ZFP28: variants seen among roughly 807,000 people sequenced by gnomAD.
ZFP28 encodes ZFP28 zinc finger protein, also known as zinc finger protein 28 homolog.
In ZFP28, 31 loss-of-function variants were observed where a neutral mutation model predicts 39.5. The ratio of observed to expected loss-of-function variants is 0.79; its 90% CI spans 0.59 to 1.06. ZFP28 has a LOEUF of 1.06. Among genes scored for constraint, ZFP28 ranks in the 50% least tolerant of loss-of-function variants. The probability of loss-of-function intolerance (pLI) is 0.00; values close to 1 mark genes in which losing one functional copy is unlikely to be tolerated. For synonymous variants in ZFP28, 400 were observed against 378.6 expected (o/e 1.06, Z -0.66); for missense variants, 925 against 1,048.4 (o/e 0.88, Z 1.63).
At chr19:56,549,172 A>G in intron 5 of ZFP28, 51 bp downstream of exon 5, 2 of 1,557,706 alleles carry the variant, frequency 1.3e-6, no homozygotes, top group Non-Finnish European at 1.7e-6. Context: ...TCATGAGGAA[A>G]CTCTTCTTGA....
At chr19:56,537,449 T>C (rs953942864), upstream of ZFP28, among the ~76,000 whole-genome samples, 4 of 152,144 alleles carry the variant, frequency 2.6e-5, no homozygotes, top group African/African-American at 7.2e-5. Flanking sequence ...CACTACTCCT[T>C]ACAAGGAGAC....
upstream of ZFP28, chr19:56,537,527 G>A (rs1356856173): frequency 6.6e-6 from 1 of 152,228 alleles, no homozygotes; most frequent in African/African-American, 2.4e-5. Flanking sequence ...GCTGTGGAAG[G>A]AGTGCAAAAT....
intron 2 of ZFP28, chr19:56,545,470 T>C (rs1470759629): frequency 1.3e-5 from 2 of 152,242 alleles, no homozygotes; most frequent in Non-Finnish European, 2.9e-5. Flanking sequence ...ATGTGAATCT[T>C]TAAAAGGTTC....
chr19:56,538,882 C>T (rs2147944401), upstream of ZFP28: 3 of 681,934 alleles, frequency 4.4e-6, no homozygotes, highest in Non-Finnish European at 5.8e-6. Flanking sequence ...CGGGGCGGCT[C>T]CGCGGCGCGG....
chr19:56,551,223 G>A (rs1394827745), intron 7 of ZFP28: 1 of 986,746 alleles, frequency 1.0e-6, no homozygotes, highest in Admixed American at 6.1e-5. Flanking sequence ...TTGCAAGAAG[G>A]TGGAAGTAAA....
rs1306160576 is a variant in ZFP28 at position 56,549,257 on chromosome 19, C to T, written c.687+136C>T. On this transcript the variant is annotated intron_variant, in intron 5 of 7. Transcript: ENST00000301318. ...ACAATGCTTCTTATAGACAGATTAT[C>T]CCCTCAGAACAGAGAGTGCCTAATC... 1.8e-5 allele frequency: 18 copies of T among 1,004,492 alleles called. No individual in the cohort carries two copies. In the East Asian group the frequency reaches 4.9e-4, roughly 27 times the overall value. The allele number at this position is 1,004,492 out of a possible 1,614,324, so 62.2% of individuals were successfully genotyped here. A position where few individuals can be genotyped will look rare whatever the true frequency, so the allele number is the denominator to read the frequency against.
At chr19:56,551,540 G>C (rs1043146814) in intron 7 of ZFP28, 2 of 984,876 alleles carry the variant, frequency 2.0e-6, no homozygotes, top group African/African-American at 3.5e-5. Flanking sequence ...TTTTTTTCAA[G>C]TTAAGTGAAA....
chr19:56,554,955 A>G lies in ZFP28; in HGVS notation c.2170A>G (p.Thr724Ala), dbSNP rs752026531. 6.2e-7 allele frequency: 1 copy of G among 1,614,164 alleles called. No homozygotes were observed. Among genetic ancestry groups the G allele is most frequent in the Non-Finnish European group, 8.5e-7 (1 of 1,180,030 alleles). ...SSCTQHQRLH[T>A]GQRPYECIEC... ...CTGTACTCAACATCAAAGACTGCAC[A>G]CTGGCCAAAGACCTTATGAATGTAT... The change falls in exon 8 of 8, where the codon ACT (threonine) becomes GCT (alanine). Residue 724 changes from threonine (T) to alanine (A), a missense_variant. Physicochemically the swap from Thr to Ala is moderately conservative, Grantham distance 58. Transcript: ENST00000301318. The surrounding 1 kb of genome is among the most constrained non-coding windows in gnomAD (Gnocchi z 6.7).
In ZFP28 at chr19:56,555,131, G is replaced by A. The variant is rs1049008489; in HGVS notation, c.2346G>A (p.Lys782=). Residue 782 remains lysine (K), a synonymous_variant, in exon 8 of 8, where the codon AAG becomes AAA. Transcript: ENST00000301318. ...TACATCAGAGAATCCATTCTGGAAA[G>A]AAACCATATGAATGTAAGGAATGTA... ...LSVHQRIHSG[K]KPYECKECRK... 17 of 1,614,068 alleles carry A rather than the reference G, an allele frequency of 1.1e-5. No homozygotes were observed. The highest frequency in any genetic ancestry group is 1.4e-5 in the Non-Finnish European group (16 of 1,180,036).
At chr19:56,545,207 C>T (rs2044230470) in intron 2 of ZFP28, among the ~76,000 whole-genome samples, 1 of 152,246 alleles carries the variant, frequency 6.6e-6, no homozygotes, top group Non-Finnish European at 1.5e-5. Flanking sequence ...GGGGGCCTTT[C>T]AGTCCCCAGC....
chr19:56,547,744 A>G lies in ZFP28; in HGVS notation c.428-63A>G. On this transcript the variant is annotated intron_variant, in intron 3 of 7. Transcript: ENST00000301318. The surrounding 1 kb of genome is among the most constrained non-coding windows in gnomAD (Gnocchi z 4.6). ...TGCACTGCCCTCTTGCGTCAAGCCA[A>G]GGGGACTGCATCTCAGTCTGGACAG... 2 of 1,605,246 alleles carry G rather than the reference A, an allele frequency of 1.2e-6. No individual in the cohort carries two copies. The highest frequency in any genetic ancestry group is 1.1e-5 in the South Asian group (1 of 90,464).
rs143963880 is a variant in ZFP28, at chr19:56,547,764, G to A, written c.428-43G>A. 8,049 of 1,610,340 alleles carry A rather than the reference G, an allele frequency of 5.0e-3. 63 individuals carry two copies. Among genetic ancestry groups the A allele is most frequent in the South Asian group, 0.015 (1,394 of 90,860 alleles). ...AGCCAAGGGGACTGCATCTCAGTCT[G>A]GACAGCCACACAGTATGACCAGGTT... On this transcript the variant is annotated intron_variant, in intron 3 of 7. Transcript: ENST00000301318. This position sits in a 1 kb window ranked among gnomAD's most constrained non-coding sequence, Gnocchi z 4.6.
In ZFP28 at chr19:56,539,149, G is replaced by C. The variant is rs766585911; in HGVS notation, c.131G>C (p.Arg44Pro). 4.7e-5 allele frequency: 75 copies of C among 1,596,728 alleles called. No homozygotes were observed. Among genetic ancestry groups the C allele is most frequent in the Non-Finnish European group, 6.3e-5 (74 of 1,175,512 alleles). Residue 44 changes from arginine to proline, a missense_variant, in exon 1 of 8, where the codon CGG (arginine) becomes CCG (proline). Coordinates refer to ENST00000301318, the MANE Select transcript of ZFP28 (RefSeq NM_020828.2). ...GTPATLALPA[R>P]GRPRSRNGLA... Reference sequence around the variant, plus strand: ...CCAGCCACCTTGGCCCTCCCTGCCCGGGGAAGGCCGCGCTCAAGGAATGGC... The same window carrying C: ...CCAGCCACCTTGGCCCTCCCTGCCCCGGGAAGGCCGCGCTCAAGGAATGGC...
Position 56,539,609 on chromosome 19 carries a change from C to T in ZFP28, c.209-16C>T, listed in dbSNP as rs1322326880. The stretch of plus-strand genomic sequence containing the variant: ...GTGGTGTAGACCTGGTCTCTAGCTA[C>T]TCCTTTCTCTTTCAGCTCTGCCTTC... On this transcript the variant is annotated splice_polypyrimidine_tract_variant and intron_variant, in intron 1 of 7. Coordinates refer to ENST00000301318, the MANE Select transcript of ZFP28 (RefSeq NM_020828.2). 6.2e-7 allele frequency: 1 copy of T among 1,611,150 alleles called. No homozygotes were observed. The highest frequency in any genetic ancestry group is 1.1e-5 in the South Asian group (1 of 90,980).
chr19:56,538,973 G>C lies in ZFP28; in HGVS notation c.-46G>C. 7.5e-7 allele frequency: 1 copy of C among 1,337,698 alleles called. No individual in the cohort carries two copies. The highest frequency in any genetic ancestry group is 3.0e-5 in the East Asian group (1 of 33,258). The allele number at this position is 1,337,698 out of a possible 1,614,324, so 82.9% of individuals were successfully genotyped here. A position where few individuals can be genotyped will look rare whatever the true frequency, so the allele number is the denominator to read the frequency against. On this transcript the variant is annotated 5_prime_UTR_variant, in exon 1 of 8. Transcript: ENST00000301318. ...CGGGCGGGTGTGGCCAGGGGTGTGG[G>C]TCTGTGAGGGACCGGTCGGAAGGGC...
At chr19:56,540,340 C>T (rs745321986) in intron 2 of ZFP28, among the ~76,000 whole-genome samples, 4 of 152,272 alleles carry the variant, frequency 2.6e-5, no homozygotes, top group South Asian at 4.1e-4. Flanking sequence ...GGAGAGGAGG[C>T]GCAATATGAA....
At chr19:56,537,944 G>T (rs908143525), upstream of ZFP28, 2 of 152,212 alleles carry the variant, frequency 1.3e-5, no homozygotes, top group African/African-American at 2.4e-5. Flanking sequence ...AAATCCATCA[G>T]CTAACTTCAG....
rs2044304489 is a variant in ZFP28, at chr19:56,551,633, A to G, written c.898+1028A>G. The G allele has an allele frequency of 3.0e-6, 3 of 985,334 alleles. No homozygotes were observed. In the Admixed American group the frequency reaches 1.8e-4, roughly 61 times the overall value. 61.0% of individuals were successfully genotyped at this position (985,334 alleles called of 1,614,324 possible). ...AGTTTTTTTGTTTTTGGTGACTAGC[A>G]ACAATTAGATGTATGAGTTTAATTG... On this transcript the variant is annotated intron_variant, in intron 7 of 7. Transcript: ENST00000301318.
chr19:56,550,002 C>G (rs1259675021), intron 5 of ZFP28, 65 bp from the exon 6 acceptor site: 1 of 1,349,812 alleles, frequency 7.4e-7, no homozygotes, highest in East Asian at 2.4e-5. Context: ...CACAGTCCAT[C>G]CCACTGAGAC....
Sources: allele counts gnomAD v4.1 joint callset (sites outside exome capture counted in the v4.1 genomes callset), GRCh38; gene constraint gnomAD v4.1.1; non-coding constraint Gnocchi (gnomAD v3.1); transcripts MANE v1.5; gene names NCBI Gene and HGNC (gene_info 2026-07-23, HGNC 2026-07-21).